MS4A13: variants seen among roughly 807,000 people sequenced by gnomAD.
MS4A13 encodes membrane-spanning 4-domains subfamily A member 13.
A neutral mutation model predicts 18.4 loss-of-function variants in MS4A13; 21 were observed. That is an observed-to-expected ratio of 1.14 (90% confidence interval 0.81 to 1.64). The LOEUF is 1.64. Ranked by LOEUF, MS4A13 falls within the 40% of genes most tolerant of loss-of-function variation. The pLI is 0.00. For synonymous variants in MS4A13, 62 were observed against 57.2 expected, an observed-to-expected ratio of 1.08 and a Z score of -0.38; for missense variants, 173 against 176.8, an observed-to-expected ratio of 0.98 and a Z score of 0.12.
chr11:60,524,883 A>T (rs969589142), intron 4 of MS4A13, among the ~76,000 whole-genome samples: 5 of 151,964 alleles, frequency 3.3e-5, no homozygotes, highest in Admixed American at 6.6e-5. Flanking sequence ...GATGGTCTCG[A>T]TCTCCTGACC....
At position 60,541,519 on chromosome 11, in the gene MS4A13, T is replaced by TA. The variant is rs200015073; in HGVS notation, c.403-993dup. ...AAAAACTCAAAAGAATGCATACTTG[T>TA]AAAAAAATCCATTCATATGAAGTTT... On this transcript the variant is annotated intron_variant, in intron 6 of 6. Coordinates refer to ENST00000378186, the MANE Select transcript of MS4A13 (RefSeq NM_001012417.3). Among the ~76,000 whole-genome samples the TA allele has an allele frequency of 4.4e-3, 673 of 152,248 alleles. 1 individual carries two copies. Among genetic ancestry groups the TA allele is most frequent in the Admixed American group, 8.4e-3 (129 of 15,296 alleles).
intron 5 of MS4A13, among the ~76,000 whole-genome samples, chr11:60,528,603 G>A (rs1340734315): frequency 6.6e-6 from 1 of 152,156 alleles, no homozygotes; most frequent in Non-Finnish European, 1.5e-5. Context: ...AAACAAAGAA[G>A]GAGGAGGAAG....
intron 6 of MS4A13, among the ~76,000 whole-genome samples, chr11:60,530,025 T>G (rs996387577): frequency 6.6e-6 from 1 of 152,232 alleles, no homozygotes; most frequent in Non-Finnish European, 1.5e-5. Context: ...GTTTGATTCC[T>G]AGAAATGTCA....
chr11:60,540,956 C>CA lies in MS4A13; in HGVS notation c.403-1548dup, dbSNP rs34052697. Among the ~76,000 whole-genome samples, 622 of 109,502 alleles carry CA rather than the reference C, an allele frequency of 5.7e-3. 2 individuals are homozygous for CA. The highest frequency in any genetic ancestry group is 0.014 in the African/African-American group (354 of 25,822). The allele number at this position is 109,502 out of a possible 152,430, so 71.8% of individuals were successfully genotyped here. The stretch of plus-strand genomic sequence containing the variant: ...GGTGACAGAGTAAAACCCTATCTCA[C>CA]AAAAAAAAAAAAAAAGGAAAGGAAA... On this transcript the variant is annotated intron_variant, in intron 6 of 6. Coordinates refer to ENST00000378186, the MANE Select transcript of MS4A13 (RefSeq NM_001012417.3).
At chr11:60,543,290 C>G (rs2086874939), downstream of MS4A13, among the ~76,000 whole-genome samples, 1 of 152,098 alleles carries the variant, frequency 6.6e-6, no homozygotes, top group African/African-American at 2.4e-5. Flanking sequence ...AGATGTTTCA[C>G]TAATTGTTAT....
intron 6 of MS4A13, among the ~76,000 whole-genome samples, 175 bp downstream of exon 6, chr11:60,529,635 G>C (rs557636966): frequency 6.6e-5 from 10 of 151,898 alleles, no homozygotes; most frequent in Non-Finnish European, 1.3e-4. Flanking sequence ...AATTATAACA[G>C]TAATACATGA....
intron 6 of MS4A13, among the ~76,000 whole-genome samples, chr11:60,538,552 G>A (rs1354413955): frequency 1.3e-5 from 2 of 149,214 alleles, no homozygotes; most frequent in Non-Finnish European, 3.0e-5. Context: ...CAATGATTAT[G>A]TCAATTAAAA....
At chr11:60,538,425 T>G (rs2086828357) in intron 6 of MS4A13, among the ~76,000 whole-genome samples, 1 of 151,598 alleles carries the variant, frequency 6.6e-6, no homozygotes. Flanking sequence ...TTAAATGTTT[T>G]CATCACAAAG....
chr11:60,522,447 G>A (rs1194539876), intron 3 of MS4A13, among the ~76,000 whole-genome samples: 1 of 151,944 alleles, frequency 6.6e-6, no homozygotes, highest in Non-Finnish European at 1.5e-5. Flanking sequence ...TGATTCAAAG[G>A]TGGAGGAGAA....
At chr11:60,528,769 A>G (rs1236223538) in intron 5 of MS4A13, among the ~76,000 whole-genome samples, 1 of 152,216 alleles carries the variant, frequency 6.6e-6, no homozygotes, top group Admixed American at 6.5e-5. Flanking sequence ...GTAGTTGAAA[A>G]TATCTTTCTG....
chr11:60,540,590 T>A (rs2086849290), intron 6 of MS4A13, among the ~76,000 whole-genome samples: 1 of 152,132 alleles, frequency 6.6e-6, no homozygotes. Context: ...GCTAAAAATA[T>A]AATAGCTTAA....
Position 60,527,362 on chromosome 11 carries a change from GTC to G in MS4A13, c.307-1955_307-1954del, listed in dbSNP as rs1313348420. ...CATCTGCCAGGAACTCATTCATTCC[GTC>G]TCTCTCTCTCTCTCTCTCTCTCTCT... On this transcript the variant is annotated intron_variant, in intron 5 of 6. Transcript: ENST00000378186. 2.2e-3 allele frequency among the ~76,000 whole-genome samples: 137 copies of G among 62,450 alleles called. 1 individual carries two copies. The highest frequency in any genetic ancestry group is 9.4e-3 in the Middle Eastern group (1 of 106). 41.0% of individuals were successfully genotyped at this position (62,450 alleles called of 152,430 possible).
intron 6 of MS4A13, among the ~76,000 whole-genome samples, chr11:60,539,851 C>T (rs1318691513): frequency 6.6e-6 from 1 of 152,100 alleles, no homozygotes; most frequent in Non-Finnish European, 1.5e-5. Context: ...AATTCTTTAT[C>T]CTTTAAAACT....
chr11:60,529,255 C>CTCTT (rs2086743919), intron 5 of MS4A13, 110 bp from the exon 6 acceptor site: 1 of 170,872 alleles, frequency 5.9e-6, no homozygotes, highest in Non-Finnish European at 1.1e-5. Flanking sequence ...ATTTTCCTTC[C>CTCTT]TTTTTTTTTT....
intron 6 of MS4A13, among the ~76,000 whole-genome samples, chr11:60,531,575 G>T (rs926935797): frequency 1.3e-5 from 2 of 152,192 alleles, no homozygotes; most frequent in East Asian, 1.9e-4. Context: ...CTGGCTCAAG[G>T]TGTCTAATAC....
At chr11:60,522,601 C>T (rs1408466630) in intron 3 of MS4A13, among the ~76,000 whole-genome samples, 3 of 152,048 alleles carry the variant, frequency 2.0e-5, no homozygotes, top group African/African-American at 7.2e-5. Flanking sequence ...TAGGAGGTCT[C>T]CCACTTTTAT....
At chr11:60,526,852 C>A (rs1214583406) in intron 5 of MS4A13, among the ~76,000 whole-genome samples, 1 of 152,124 alleles carries the variant, frequency 6.6e-6, no homozygotes, top group Admixed American at 6.5e-5. Flanking sequence ...GATCAGAGTG[C>A]ACTTATTTAA....
intron 6 of MS4A13, among the ~76,000 whole-genome samples, chr11:60,531,103 C>T (rs1036611023): frequency 2.0e-5 from 3 of 152,108 alleles, no homozygotes; most frequent in Admixed American, 1.3e-4. Flanking sequence ...CAGAAGTTTA[C>T]CTTGGTGGGT....
At position 60,516,989 on chromosome 11, in the gene MS4A13, A is replaced by T. The variant is rs555037238; in HGVS notation, c.-13+905A>T. 2.6e-5 allele frequency among the ~76,000 whole-genome samples: 4 copies of T among 151,694 alleles called. No homozygotes were observed. In the East Asian group the frequency reaches 7.8e-4, roughly 29 times the overall value. ...TTCTCTATTCTGGGCACCATATTAG[A>T]GGCTGGTGATAAAACAATAAAAAAA... On this transcript the variant is annotated intron_variant, in intron 2 of 6. Transcript: ENST00000378186.
Sources: allele counts gnomAD v4.1 joint callset (sites outside exome capture counted in the v4.1 genomes callset), GRCh38; gene constraint gnomAD v4.1.1; transcripts MANE v1.5; gene names NCBI Gene and HGNC (gene_info 2026-07-23, HGNC 2026-07-21).